Variants in TBL3 observed in about 807,000 individuals in gnomAD.
The protein encoded by TBL3 is transducin beta-like protein 3.
Under a neutral mutation model 102.7 loss-of-function variants are expected in TBL3, and 71 were observed. The observed-to-expected ratio is 0.69, with a 90% CI of 0.57 to 0.84. TBL3 has a LOEUF of 0.84. Among genes scored for constraint, TBL3 ranks in the 40% least tolerant of loss-of-function variants. The probability of loss-of-function intolerance (pLI) is 0.00; values close to 1 mark genes in which losing one functional copy is unlikely to be tolerated. For synonymous variants in TBL3, 578 were observed against 477.7 expected (o/e 1.21, Z -2.74); for missense variants, 1,188 against 1,098.5 (o/e 1.08, Z -1.15).
At chr16:1,978,526 C>A in intron 21 of TBL3, 26 bp from the exon 22 acceptor site, 1 of 1,593,972 alleles carries the variant, frequency 6.3e-7, no homozygotes, top group Non-Finnish European at 8.6e-7. Context: ...GGACCACCCC[C>A]CTGACCTCCC....
In TBL3 at chr16:1,972,210, G is replaced by GC. The variant is rs2083365995; in HGVS notation, c.41+8dup. 2.2e-6 allele frequency: 3 copies of GC among 1,394,370 alleles called. No homozygotes were observed. The Admixed American group carries it at 1.0e-4, about 48-fold the overall frequency. 86.4% of individuals were successfully genotyped at this position (1,394,370 alleles called of 1,614,324 possible). On this transcript the variant is annotated splice_donor_region_variant and intron_variant, in intron 1 of 21. Coordinates refer to ENST00000568546, the MANE Select transcript of TBL3 (RefSeq NM_006453.3). ...AGTGGGCCGCTTCAAGACCAAGTGAGCCCGGAGCTCTGGGGCCGTGCGGGG... is the reference window on the plus strand; with the variant it reads ...AGTGGGCCGCTTCAAGACCAAGTGAGCCCCGGAGCTCTGGGGCCGTGCGGGG...
rs1049785456 is a variant in TBL3, at chr16:1,978,899, A to C, written c.*214A>C. 2.2e-4 allele frequency: 234 copies of C among 1,086,294 alleles called. No homozygotes were observed. The highest frequency in any genetic ancestry group is 2.8e-4 in the Non-Finnish European group (217 of 767,934). The allele number at this position is 1,086,294 out of a possible 1,614,324, so 67.3% of individuals were successfully genotyped here. A position where few individuals can be genotyped will look rare whatever the true frequency, so the allele number is the denominator to read the frequency against. ...GCAGAGATCCAGCCCGCGGCTCCGCACGCTTAGACGGTGGGGGTCATGCAG... is the reference window on the plus strand; with the variant it reads ...GCAGAGATCCAGCCCGCGGCTCCGCCCGCTTAGACGGTGGGGGTCATGCAG... On this transcript the variant is annotated 3_prime_UTR_variant, in exon 22 of 22. Transcript: ENST00000568546.
Position 1,976,928 on chromosome 16 carries a change from G to T in TBL3, c.1407G>T (p.Leu469=), listed in dbSNP as rs1277811156. Residue 469 remains leucine, a synonymous_variant, in exon 14 of 22, where the codon CTG becomes CTT. Coordinates refer to ENST00000568546, the MANE Select transcript of TBL3 (RefSeq NM_006453.3). ...NTAPDNGPIL[L]QAQTTQRCHD... The stretch of plus-strand genomic sequence containing the variant: ...CCCCAGACAACGGCCCTATCCTCCT[G>T]CAGGCCCAGACCACTCAGCGCTGCC... 6.2e-7 allele frequency: 1 copy of T among 1,613,840 alleles called. No homozygotes were observed. The highest frequency in any genetic ancestry group is 1.3e-5 in the African/African-American group (1 of 74,924).
chr16:1,977,404 C>T lies in TBL3; in HGVS notation c.1720C>T (p.Arg574Cys), dbSNP rs757688879. 1.8e-5 allele frequency: 26 copies of T among 1,442,830 alleles called. No individual in the cohort carries two copies. Among genetic ancestry groups the T allele is most frequent in the South Asian group, 1.6e-4 (14 of 88,780 alleles). 89.4% of individuals were successfully genotyped at this position (1,442,830 alleles called of 1,614,324 possible). A position where few individuals can be genotyped will look rare whatever the true frequency, so the allele number is the denominator to read the frequency against. ...ASVLKVAFVS[R>C]GTQLLSSGSD... ...TGTGCTGAAGGTGGCCTTTGTGAGC[C>T]GTGGCACGCAGCTGCTGTCCAGGTG... The change falls in exon 16 of 22, where the codon CGT becomes TGT. Residue 574 changes from arginine to cysteine, a missense_variant. Transcript: ENST00000568546.
rs142083369 is a variant in TBL3, at chr16:1,980,433, C to G, written c.*1748C>G. 1 of 1,602,352 alleles carries G rather than the reference C, an allele frequency of 6.2e-7. No homozygotes were observed. Among genetic ancestry groups the G allele is most frequent in the Non-Finnish European group, 8.5e-7 (1 of 1,179,858 alleles). ...TGCGAAGAAGCCAGTGATCGTCGGG[C>G]TCCGTGCCACGCGCTCTGCAGTCGC... On this transcript the variant is annotated 3_prime_UTR_variant, in exon 22 of 22. Coordinates refer to ENST00000568546, the MANE Select transcript of TBL3 (RefSeq NM_006453.3).
At position 1,975,528 on chromosome 16, in the gene TBL3, G is replaced by A. The variant is rs757822378; in HGVS notation, c.806-1G>A. 1 of 1,598,354 alleles carries A rather than the reference G, an allele frequency of 6.3e-7. No individual in the cohort carries two copies. Among genetic ancestry groups the A allele is most frequent in the Admixed American group, 1.7e-5 (1 of 59,890 alleles). On this transcript the variant is annotated splice_acceptor_variant, in intron 9 of 21. Coordinates refer to ENST00000568546, the MANE Select transcript of TBL3 (RefSeq NM_006453.3). LOFTEE classifies it high-confidence loss of function. ...CAGCAGCCCTGTCCCCACCCACACA[G>A]GCACTCTGCGCGTGTGGGAGGCAGC...
In TBL3 at chr16:1,980,803, C is replaced by G; in HGVS notation, c.*2118C>G. 6.6e-7 allele frequency: 1 copy of G among 1,505,318 alleles called. No homozygotes were observed. Among genetic ancestry groups the G allele is most frequent in the South Asian group, 1.2e-5 (1 of 84,968 alleles). 93.2% of individuals were successfully genotyped at this position (1,505,318 alleles called of 1,614,324 possible). ...CCCTTGAGAGGGCGGGGTCCCTCAC[C>G]CGGATGGCAGGGGCTGGGAGCTTCA... On this transcript the variant is annotated 3_prime_UTR_variant, in exon 22 of 22. Coordinates refer to ENST00000568546, the MANE Select transcript of TBL3 (RefSeq NM_006453.3).
At chr16:1,977,895 C>G in intron 18 of TBL3, 63 bp from the exon 19 acceptor site, 2 of 1,595,612 alleles carry the variant, frequency 1.3e-6, no homozygotes, top group Non-Finnish European at 1.7e-6. Flanking sequence ...CCTGCTGACT[C>G]CGATGGCTCT....
At position 1,979,193 on chromosome 16, in the gene TBL3, G is replaced by A. The variant is rs998320789; in HGVS notation, c.*508G>A. 2 of 1,460,726 alleles carry A rather than the reference G, an allele frequency of 1.4e-6. No individual in the cohort carries two copies. The highest frequency in any genetic ancestry group is 1.8e-6 in the Non-Finnish European group (2 of 1,114,554). The allele number at this position is 1,460,726 out of a possible 1,614,324, so 90.5% of individuals were successfully genotyped here. ...CGCCCGGCGAAGGTCGGGTGGGCACGGTGGGGGGAGGGGCGGTGGCCTGGG... is the reference window on the plus strand; with the variant it reads ...CGCCCGGCGAAGGTCGGGTGGGCACAGTGGGGGGAGGGGCGGTGGCCTGGG... On this transcript the variant is annotated 3_prime_UTR_variant, in exon 22 of 22. Coordinates refer to ENST00000568546, the MANE Select transcript of TBL3 (RefSeq NM_006453.3).
Position 1,980,358 on chromosome 16 carries a change from G to C in TBL3, c.*1673G>C. ...GCTGCATGCTGGGAGTTTGGGGCGA[G>C]TCAGGCACCTGCCGGGTGGCAGCGC... On this transcript the variant is annotated 3_prime_UTR_variant, in exon 22 of 22. Coordinates refer to ENST00000568546, the MANE Select transcript of TBL3 (RefSeq NM_006453.3). 2.5e-6 allele frequency: 4 copies of C among 1,598,414 alleles called. No homozygotes were observed. The highest frequency in any genetic ancestry group is 3.4e-6 in the Non-Finnish European group (4 of 1,177,988).
In TBL3 at chr16:1,980,793, G is replaced by A. The variant is rs1166229961; in HGVS notation, c.*2108G>A. The A allele has an allele frequency of 2.0e-6, 3 of 1,516,458 alleles. No homozygotes were observed. The South Asian group carries it at 3.5e-5, about 18-fold the overall frequency. The allele number at this position is 1,516,458 out of a possible 1,614,324, so 93.9% of individuals were successfully genotyped here. A position where few individuals can be genotyped will look rare whatever the true frequency, so the allele number is the denominator to read the frequency against. ...CCACTGTGCACCCTTGAGAGGGCGG[G>A]GTCCCTCACCCGGATGGCAGGGGCT... is the stretch of plus-strand genomic sequence containing the variant. On this transcript the variant is annotated 3_prime_UTR_variant, in exon 22 of 22. Coordinates refer to ENST00000568546, the MANE Select transcript of TBL3 (RefSeq NM_006453.3).
rs756854512 is a variant in TBL3, at chr16:1,982,296, C to T, written c.*3611C>T. The T allele has an allele frequency of 2.5e-4, 38 of 152,212 alleles. No individual in the cohort carries two copies. The highest frequency in any genetic ancestry group is 5.8e-4 in the African/African-American group (24 of 41,404). 9.4% of individuals were successfully genotyped at this position (152,212 alleles called of 1,614,324 possible). On this transcript the variant is annotated 3_prime_UTR_variant, in exon 22 of 22. Coordinates refer to ENST00000568546, the MANE Select transcript of TBL3 (RefSeq NM_006453.3). The stretch of plus-strand genomic sequence containing the variant: ...CCCTGGTCTTGGCATGGGCAATGAA[C>T]ACCTGCTCACATAGGGCTGATTTGC...
chr16:1,974,633 C>T lies in TBL3; in HGVS notation c.333C>T (p.Pro111=), dbSNP rs375538142. The T allele has an allele frequency of 2.3e-5, 37 of 1,609,942 alleles. No homozygotes were observed. Among genetic ancestry groups the T allele is most frequent in the Middle Eastern group, 3.3e-4 (2 of 6,070 alleles). ...TRLWKAIHTA[P]VATMAFDPTS... The stretch of plus-strand genomic sequence containing the variant: ...TGTGGAAGGCGATACACACGGCCCC[C>T]GTGGCCACCATGGCCTTCGACCCCA... Residue 111 remains proline, a synonymous_variant, in exon 5 of 22, where the codon CCC becomes CCT. Transcript: ENST00000568546.
chr16:1,980,938 C>T lies in TBL3; in HGVS notation c.*2253C>T. 6.2e-7 allele frequency: 1 copy of T among 1,612,448 alleles called. No individual in the cohort carries two copies. The highest frequency in any genetic ancestry group is 1.1e-5 in the South Asian group (1 of 91,078). ...CATCAGGGTGGCCCAGGGTCACTCACCTTGAGCTGCCTGAATTCGTCCCAA... is the reference window on the plus strand; with the variant it reads ...CATCAGGGTGGCCCAGGGTCACTCATCTTGAGCTGCCTGAATTCGTCCCAA... On this transcript the variant is annotated 3_prime_UTR_variant, in exon 22 of 22. Coordinates refer to ENST00000568546, the MANE Select transcript of TBL3 (RefSeq NM_006453.3).
rs186507991 is a variant in TBL3 at position 1,977,291 on chromosome 16, G to A, written c.1671+7G>A. ...GGACTTCAGCTGTCTCAAGGTAAGT[G>A]GCGCTCCAGACCCTCCCCACTTCCC... On this transcript the variant is annotated splice_region_variant and intron_variant, in intron 15 of 21. Transcript: ENST00000568546. 6.8e-6 allele frequency: 11 copies of A among 1,613,376 alleles called. No homozygotes were observed. The highest frequency in any genetic ancestry group is 1.6e-4 in the Middle Eastern group (1 of 6,062).
chr16:1,980,490 T>A lies in TBL3; in HGVS notation c.*1805T>A. ...CCTCCGAGAATAGGTTTCCAACAGCTGCAGGCGCGCCAGGCCGCGGCTCGT... is the reference window on the plus strand; with the variant it reads ...CCTCCGAGAATAGGTTTCCAACAGCAGCAGGCGCGCCAGGCCGCGGCTCGT... On this transcript the variant is annotated 3_prime_UTR_variant, in exon 22 of 22. Transcript: ENST00000568546. 1 of 1,602,846 alleles carries A rather than the reference T, an allele frequency of 6.2e-7. No homozygotes were observed. The highest frequency in any genetic ancestry group is 8.5e-7 in the Non-Finnish European group (1 of 1,179,654).
In TBL3 at chr16:1,980,963, A is replaced by T. The variant is rs182776971; in HGVS notation, c.*2278A>T. ...CCTTGAGCTGCCTGAATTCGTCCCA[A>T]CTCCTGCGCACGAAGGTGTCGCTGC... On this transcript the variant is annotated 3_prime_UTR_variant, in exon 22 of 22. Transcript: ENST00000568546. 10 of 1,612,864 alleles carry T rather than the reference A, an allele frequency of 6.2e-6. No homozygotes were observed. In the Admixed American group the frequency reaches 1.3e-4, roughly 22 times the overall value.
rs377082863 is a variant in TBL3, at chr16:1,979,914, G to C, written c.*1229G>C. The C allele has an allele frequency of 7.6e-6, 12 of 1,578,712 alleles. No individual in the cohort carries two copies. The highest frequency in any genetic ancestry group is 1.3e-5 in the African/African-American group (1 of 74,118). On this transcript the variant is annotated 3_prime_UTR_variant, in exon 22 of 22. Coordinates refer to ENST00000568546, the MANE Select transcript of TBL3 (RefSeq NM_006453.3). The stretch of plus-strand genomic sequence containing the variant: ...CCACCAGCCACCAGCCTGTGCGCAA[G>C]AAGCGGGCAGGGACTCAAATCTCGA...
rs57686758 is a variant in TBL3, at chr16:1,980,862, ATGGGAGGCAGTCCAG to A, written c.*2188_*2202del. 189,258 of 1,491,000 alleles carry A rather than the reference ATGGGAGGCAGTCCAG, an allele frequency of 0.13. 13,576 individuals are homozygous for A. The highest frequency in any genetic ancestry group is 0.25 in the South Asian group (21,517 of 86,996). The allele number at this position is 1,491,000 out of a possible 1,614,324, so 92.4% of individuals were successfully genotyped here. A position where few individuals can be genotyped will look rare whatever the true frequency, so the allele number is the denominator to read the frequency against. On this transcript the variant is annotated 3_prime_UTR_variant, in exon 22 of 22. Transcript: ENST00000568546. Reference sequence around the variant, plus strand: ...GAAGGGCCTCCAGTGGGAGTCACTGATGGGAGGCAGTCCAGTGGGAGGCAGCCGCGTGGGGAAGCC... The same window carrying A: ...GAAGGGCCTCCAGTGGGAGTCACTGATGGGAGGCAGCCGCGTGGGGAAGCC...
Sources: allele counts gnomAD v4.1 joint callset, GRCh38; gene constraint gnomAD v4.1.1; transcripts MANE v1.5; gene names NCBI Gene and HGNC (gene_info 2026-07-23, HGNC 2026-07-21).